The following KCNJ15 variants were observed in gnomAD, a reference collection of about 807,000 sequenced individuals.
KCNJ15 encodes the protein ATP-sensitive inward rectifier potassium channel 15.
In KCNJ15, 14 loss-of-function variants were observed where a neutral mutation model predicts 23.0. The ratio of observed to expected loss-of-function variants is 0.61; its 90% CI spans 0.40 to 0.95. The LOEUF is 0.95. KCNJ15 is among the 40% of genes least tolerant of loss of function. KCNJ15 has a pLI of 0.00. For missense variants in KCNJ15, 388 were observed against 461.8 expected, an observed-to-expected ratio of 0.84 and a Z score of 1.46; for synonymous variants, 185 against 183.2, an observed-to-expected ratio of 1.01 and a Z score of -0.08.
intron 1 of KCNJ15, among the ~76,000 whole-genome samples, chr21:38,271,850 G>A: frequency 6.6e-6 from 1 of 152,144 alleles, no homozygotes; most frequent in East Asian, 1.9e-4. Flanking sequence ...TAAACCGAAG[G>A]CAGGTGAGAT....
chr21:38,252,345 T>C (rs531471314), upstream of KCNJ15, among the ~76,000 whole-genome samples: 1 of 152,310 alleles, frequency 6.6e-6, no homozygotes, highest in African/African-American at 2.4e-5. Context: ...TAAATTCCCC[T>C]TCCTGTGGGC....
At chr21:38,288,801 A>G (rs547924498) in intron 1 of KCNJ15, among the ~76,000 whole-genome samples, 1 of 152,324 alleles carries the variant, frequency 6.6e-6, no homozygotes, top group Non-Finnish European at 1.5e-5. Flanking sequence ...GCATCTTCTT[A>G]TGTCTCACAG....
chr21:38,266,816 G>T (rs756600189), intron 1 of KCNJ15, among the ~76,000 whole-genome samples: 1 of 152,204 alleles, frequency 6.6e-6, no homozygotes, highest in Admixed American at 6.5e-5. Flanking sequence ...TAAGTAACAC[G>T]CTGAGGACAC....
Position 38,300,447 on chromosome 21 carries a change from T to A in KCNJ15, c.*58T>A. The A allele has an allele frequency of 1.4e-6, 2 of 1,463,366 alleles. No individual in the cohort carries two copies. Among genetic ancestry groups the A allele is most frequent in the Non-Finnish European group, 1.8e-6 (2 of 1,083,274 alleles). The allele number at this position is 1,463,366 out of a possible 1,614,324, so 90.6% of individuals were successfully genotyped here. A position where few individuals can be genotyped will look rare whatever the true frequency, so the allele number is the denominator to read the frequency against. ...AGCTGTTTCCACATCAGAACTCCCTTCAAACACAAAGATTGCTGTGAAAAC... is the reference window on the plus strand; with the variant it reads ...AGCTGTTTCCACATCAGAACTCCCTACAAACACAAAGATTGCTGTGAAAAC... On this transcript the variant is annotated 3_prime_UTR_variant, in exon 3 of 3. Coordinates refer to ENST00000398938, the MANE Select transcript of KCNJ15 (RefSeq NM_170736.3).
At chr21:38,293,895 T>C (rs1209680196) in intron 1 of KCNJ15, among the ~76,000 whole-genome samples, 7 of 152,246 alleles carry the variant, frequency 4.6e-5, no homozygotes. Flanking sequence ...TTGGCTGGTA[T>C]GGATGAGTTA....
intron 1 of KCNJ15, among the ~76,000 whole-genome samples, chr21:38,260,383 G>A (rs1171867492): frequency 6.6e-6 from 1 of 152,026 alleles, no homozygotes; most frequent in African/African-American, 2.4e-5. Flanking sequence ...CATCTGTGCT[G>A]TTTTCACAAG....
chr21:38,274,810 T>C (rs922143030), intron 1 of KCNJ15, among the ~76,000 whole-genome samples: 5 of 152,208 alleles, frequency 3.3e-5, no homozygotes, highest in African/African-American at 9.7e-5. Context: ...GTTCTTTTGC[T>C]GGAAAATCCT....
intron 1 of KCNJ15, among the ~76,000 whole-genome samples, chr21:38,282,001 C>A (rs1983400404): frequency 6.6e-6 from 1 of 152,046 alleles, no homozygotes; most frequent in Admixed American, 6.5e-5. Flanking sequence ...TTTTGATATG[C>A]ATTTCTCTAG....
At chr21:38,274,450 G>A (rs1012301655) in intron 1 of KCNJ15, among the ~76,000 whole-genome samples, 8 of 152,178 alleles carry the variant, frequency 5.3e-5, no homozygotes, top group Non-Finnish European at 1.0e-4. Context: ...TCTTGCACAC[G>A]TTTTCTATAA....
rs183828129 is a variant in KCNJ15, at chr21:38,302,918, A to G, written c.*2529A>G. ...TCACCTTAAAAATATCTTATTTTAT[A>G]TTTAGATAATATTGAAATCACAGTC... is the stretch of plus-strand genomic sequence containing the variant. On this transcript the variant is annotated 3_prime_UTR_variant, in exon 3 of 3. Coordinates refer to ENST00000398938, the MANE Select transcript of KCNJ15 (RefSeq NM_170736.3). 10 of 152,336 alleles carry G rather than the reference A, an allele frequency of 6.6e-5. No individual in the cohort carries two copies. The highest frequency in any genetic ancestry group is 2.6e-4 in the Admixed American group (4 of 15,300). The allele number at this position is 152,336 out of a possible 1,614,324, so 9.4% of individuals were successfully genotyped here.
intron 1 of KCNJ15, among the ~76,000 whole-genome samples, chr21:38,288,875 C>G (rs1984267421): frequency 6.6e-6 from 1 of 152,210 alleles, no homozygotes; most frequent in African/African-American, 2.4e-5. Context: ...TGTGAATGCT[C>G]CAACCATGTC....
chr21:38,231,663 T>A (rs561623352), intron 1 of KCNJ15, among the ~76,000 whole-genome samples: 1 of 144,908 alleles, frequency 6.9e-6, no homozygotes, highest in African/African-American at 2.5e-5. Context: ...AGTTTTTTTT[T>A]TATCATAAAT....
chr21:38,263,831 T>C (rs552706654), intron 1 of KCNJ15, among the ~76,000 whole-genome samples: 3 of 152,324 alleles, frequency 2.0e-5, no homozygotes, highest in South Asian at 4.1e-4. Context: ...CAAAGAATTT[T>C]TTTTTACTTT....
Position 38,299,754 on chromosome 21 carries a change from C to T in KCNJ15, c.493C>T (p.Leu165=). The T allele has an allele frequency of 6.2e-7, 1 of 1,614,094 alleles. No individual in the cohort carries two copies. Among genetic ancestry groups the T allele is most frequent in the Non-Finnish European group, 8.5e-7 (1 of 1,180,014 alleles). The change falls in exon 3 of 3, where the codon CTG becomes TTG. Residue 165 remains leucine, a synonymous_variant. Transcript: ENST00000398938. This position sits in a 1 kb window ranked among gnomAD's most constrained non-coding sequence, Gnocchi z 4.5. ...LIEIFITGTF[L]AKIARPKKRA... Reference sequence around the variant, plus strand: ...TGAGATCTTCATCACCGGAACCTTCCTGGCCAAAATCGCCAGACCCAAAAA... The same window carrying T: ...TGAGATCTTCATCACCGGAACCTTCTTGGCCAAAATCGCCAGACCCAAAAA...
intron 1 of KCNJ15, among the ~76,000 whole-genome samples, chr21:38,260,034 T>C (rs1000505140): frequency 2.6e-5 from 4 of 152,226 alleles, no homozygotes; most frequent in Non-Finnish European, 5.9e-5. Flanking sequence ...AGTTATAATT[T>C]ATAAATAAAG....
At position 38,304,662 on chromosome 21, in the gene KCNJ15, C is replaced by CTTTTTTTTTTT. The variant is rs543096995; in HGVS notation, c.*4294_*4304dup. ...TTACCCTTTGTAAACTTCAATTTAT[C>CTTTTTTTTTTT]TTTTTTTTTTTTTTTTTTTTTTTTT... On this transcript the variant is annotated 3_prime_UTR_variant, in exon 3 of 3. Coordinates refer to ENST00000398938, the MANE Select transcript of KCNJ15 (RefSeq NM_170736.3). The CTTTTTTTTTTT allele has an allele frequency of 1.1e-3, 59 of 56,052 alleles. 5 individuals are homozygous for CTTTTTTTTTTT. Among genetic ancestry groups the CTTTTTTTTTTT allele is most frequent in the Non-Finnish European group, 1.6e-3 (44 of 28,114 alleles). 3.5% of individuals were successfully genotyped at this position (56,052 alleles called of 1,614,324 possible).
chr21:38,276,131 G>T (rs985997326), intron 1 of KCNJ15, among the ~76,000 whole-genome samples: 2 of 151,768 alleles, frequency 1.3e-5, no homozygotes, highest in African/African-American at 4.8e-5. Context: ...GCATGAAGGA[G>T]CCTATTCTGC....
At chr21:38,258,837 A>C (rs1980564604) in intron 1 of KCNJ15, among the ~76,000 whole-genome samples, 1 of 152,170 alleles carries the variant, frequency 6.6e-6, no homozygotes, top group Admixed American at 6.5e-5. Flanking sequence ...ACCAGTGCAG[A>C]CAGCCAGTGT....
intron 1 of KCNJ15, among the ~76,000 whole-genome samples, chr21:38,286,050 T>C (rs1319720393): frequency 3.3e-5 from 5 of 152,184 alleles, no homozygotes; most frequent in East Asian, 3.8e-4. Context: ...GAGACCATCC[T>C]GGCTAACACG....
Sources: gnomAD v4.1 joint callset for allele counts (sites outside exome capture counted in the v4.1 genomes callset) on GRCh38, gnomAD v4.1.1 for gene constraint, Gnocchi (gnomAD v3.1) non-coding constraint, MANE v1.5 for transcripts, NCBI Gene and HGNC (gene_info 2026-07-23, HGNC 2026-07-21) for gene names.